TTN: variants seen among roughly 807,000 people sequenced by gnomAD.
TTN encodes the protein connectin.
In TTN, 1,525 loss-of-function variants were observed where a neutral mutation model predicts 3,223.0. The ratio of observed to expected loss-of-function variants is 0.47; its 90% confidence interval spans 0.45 to 0.49. The LOEUF is 0.49. TTN is among the 20% of genes least tolerant of loss of function. The pLI is 0.00. For synonymous variants in TTN, 14,094 were observed against 15,161.0 expected (o/e 0.93, Z 5.17); for missense variants, 40,786 against 43,424.0 (o/e 0.94, Z 5.40).
At chr2:178,716,752 G>A (rs183344405) in intron 88 of TTN, among the ~76,000 whole-genome samples, 45 of 152,182 alleles carry the variant, frequency 3.0e-4, no homozygotes, top group African/African-American at 1.1e-3. Context: ...ACTAAGTACT[G>A]TGGGAAAAAA....
rs1217999308 is a variant in TTN, at chr2:178,717,374, C to A, written c.25360G>T (p.Val8454Leu). ...GGCTTTAGATCAAAGAAAGGAGGCA[C>A]TTCATGCTCTGAAAAGAATGAAGAC... ...SAKLILSEHE[V>L]PPFFDLKPVS... Residue 8454 changes from valine (V) to leucine (L), a missense_variant, in exon 88 of 363, where the codon GTG becomes TTG. Transcript: ENST00000589042. 1 of 1,605,396 alleles carries A rather than the reference C, an allele frequency of 6.2e-7. No individual in the cohort carries two copies. The highest frequency in any genetic ancestry group is 8.5e-7 in the Non-Finnish European group (1 of 1,173,958).
At chr2:178,670,951 G>T in intron 156 of TTN, 139 bp downstream of exon 156, 2 of 646,784 alleles carry the variant, frequency 3.1e-6, no homozygotes, top group Non-Finnish European at 5.2e-6. Flanking sequence ...CTGCTTTAAA[G>T]ATATTAGTTT....
chr2:178,791,507 G>A (rs1044154068), intron 10 of TTN, among the ~76,000 whole-genome samples: 4 of 152,048 alleles, frequency 2.6e-5, no homozygotes, highest in Non-Finnish European at 4.4e-5. Flanking sequence ...ACAGCTCTAC[G>A]GCACAACAGC....
Position 178,543,923 on chromosome 2 carries a change from T to C in TTN, c.96221A>G (p.Lys32074Arg). Residue 32074 changes from lysine (K) to arginine (R), a missense_variant, in exon 346 of 363, where the codon AAA (lysine) becomes AGA (arginine). Physicochemically the swap from Lys to Arg is conservative, Grantham distance 26. Transcript: ENST00000589042. ...TTTTCCAGCATCGTACCGATTAACTTTGTCCACTATTAGCAATGAGTAGCT... is the reference window on the plus strand; with the variant it reads ...TTTTCCAGCATCGTACCGATTAACTCTGTCCACTATTAGCAATGAGTAGCT... ...TESYSLLIVD[K>R]VNRYDAGKYT... is the part of the protein sequence containing the mutation. The C allele has an allele frequency of 6.2e-7, 1 of 1,613,750 alleles. No individual in the cohort carries two copies. Among genetic ancestry groups the C allele is most frequent in the Non-Finnish European group, 8.5e-7 (1 of 1,179,726 alleles).
chr2:178,794,308 A>G, intron 8 of TTN, 91 bp downstream of exon 8: 1 of 1,574,770 alleles, frequency 6.4e-7, no homozygotes, highest in Non-Finnish European at 8.7e-7. Flanking sequence ...AATTGAGCAC[A>G]GCTGCATGCC....
Position 178,575,548 on chromosome 2 carries a change from T to G in TTN, c.70584A>C (p.Lys23528Asn). ...CTGGTGGAGATGGTGCTTCAGAGGC[T>G]TTTACGGGCTCTGTAGTTTCTGTTG... ...GEPTETTEPV[K>N]ASEAPSPPDS... is the part of the protein sequence containing the mutation. Residue 23528 changes from lysine (K) to asparagine (N), a missense_variant, in exon 326 of 363, where the codon AAA becomes AAC. Physicochemically the swap from Lys to Asn is moderately conservative, Grantham distance 94 (BLOSUM62 0). Transcript: ENST00000589042. This position sits in a 1 kb window ranked among gnomAD's most constrained non-coding sequence, Gnocchi z 4.0. The G allele has an allele frequency of 6.2e-7, 1 of 1,613,676 alleles. No individual in the cohort carries two copies. The highest frequency in any genetic ancestry group is 8.5e-7 in the Non-Finnish European group (1 of 1,179,646).
rs138313387 is a variant in TTN at position 178,764,726 on chromosome 2, G to C, written c.9789C>G (p.Ser3263=). The C allele has an allele frequency of 6.2e-7, 1 of 1,613,932 alleles. No individual in the cohort carries two copies. The highest frequency in any genetic ancestry group is 1.3e-5 in the African/African-American group (1 of 74,882). ...GKPARFCAVI[S]GRPQPKISWY... ...AGGAAATTTTGGGCTGTGGTCTTCC[G>C]GATATCACGGCACAGAAGCGGGCAG... is the stretch of plus-strand genomic sequence containing the variant. The change falls in exon 42 of 363, where the codon TCC becomes TCG. Residue 3263 remains serine (S), a synonymous_variant. Transcript: ENST00000589042.
In TTN at chr2:178,634,800, T is replaced by C; in HGVS notation, c.42074A>G (p.Lys14025Arg). The C allele has an allele frequency of 6.2e-7, 1 of 1,612,920 alleles. No homozygotes were observed. Among genetic ancestry groups the C allele is most frequent in the South Asian group, 1.1e-5 (1 of 90,916 alleles). Residue 14025 changes from lysine (K) to arginine (R), a missense_variant, in exon 229 of 363, where the codon AAA becomes AGA. Transcript: ENST00000589042. The surrounding 1 kb of genome is among the most constrained non-coding windows in gnomAD (Gnocchi z 4.6). The part of the protein sequence containing the change: ...EGGKRFLTLH[K>R]VKLDQAGEVL... ...TTCACCAGCTTGGTCCAGTTTGACT[T>C]TGTGCAAAGTTAAGAAGCGTTTTCC...
At position 178,693,933 on chromosome 2, in the gene TTN, A is replaced by G; in HGVS notation, c.31502T>C (p.Val10501Ala). 1 of 1,612,730 alleles carries G rather than the reference A, an allele frequency of 6.2e-7. No individual in the cohort carries two copies. Reference protein sequence around the residue: ...MFFASHTEEEVSVTVPEVQKE... With the variant: ...MFFASHTEEEASVTVPEVQKE... ...AGTTTGCCTTATACCTGTGACTGAC[A>G]CCTCCTCCTCTGTGTGAGAAGCAAA... The change falls in exon 118 of 363, where the codon GTG (valine) becomes GCG (alanine). Residue 10501 changes from valine to alanine, a missense_variant. Physicochemically the swap from Val to Ala is moderately conservative, Grantham distance 64. Coordinates refer to ENST00000589042, the MANE Select transcript of TTN (RefSeq NM_001267550.2).
rs1283851156 is a variant in TTN at position 178,636,824 on chromosome 2, T to A, written c.40928-25A>T. On this transcript the variant is annotated intron_variant, in intron 224 of 362. Transcript: ENST00000589042. The surrounding 1 kb of genome is among the most constrained non-coding windows in gnomAD (Gnocchi z 4.3). ...CCTAATTCAAAGTAAAATAAAAAGT[T>A]GATTTGGCATCTCCTTAGGAGTCAG... 1 of 1,536,404 alleles carries A rather than the reference T, an allele frequency of 6.5e-7. No homozygotes were observed. Among genetic ancestry groups the A allele is most frequent in the Non-Finnish European group, 8.7e-7 (1 of 1,144,500 alleles).
Position 178,739,422 on chromosome 2 carries a change from T to C in TTN, c.13811A>G (p.Asp4604Gly). The change falls in exon 48 of 363, where the codon GAT (aspartate) becomes GGT (glycine). Residue 4604 changes from aspartate (D) to glycine (G), a missense_variant. By Grantham distance (94) the Asp-to-Gly change is moderately conservative (BLOSUM62 -1). Transcript: ENST00000589042. ...TAAAGGTGTATGTATCATGGGGCCA[T>C]CCTCTTTGATTAAGCCACCCTCAGC... ...QEAEGGLIKE[D>G]GPMIHTPLVD... 6.2e-7 allele frequency: 1 copy of C among 1,613,836 alleles called. No individual in the cohort carries two copies. Among genetic ancestry groups the C allele is most frequent in the South Asian group, 1.1e-5 (1 of 91,080 alleles).
chr2:178,556,594 C>T (rs1386324647), intron 330 of TTN: 1 of 494,448 alleles, frequency 2.0e-6, no homozygotes, highest in Non-Finnish European at 3.5e-6. Flanking sequence ...CTCATACAAT[C>T]AATCATAAAA....
Position 178,564,118 on chromosome 2 carries a change from G to A in TTN, c.82014C>T (p.Asp27338=), listed in dbSNP as rs933399909. The A allele has an allele frequency of 6.2e-7, 1 of 1,613,662 alleles. No individual in the cohort carries two copies. Among genetic ancestry groups the A allele is most frequent in the African/African-American group, 1.3e-5 (1 of 74,920 alleles). ...TIQKTTLVVK[D]CIRTDGGQYI... is the part of the protein sequence containing the mutation. ...ATTGTCCTCCATCAGTCCGTATACA[G>A]TCTTTGACAACAAGAGTTGTTTTCT... The change falls in exon 326 of 363, where the codon GAC becomes GAT. Residue 27338 remains aspartate, a synonymous_variant. Transcript: ENST00000589042.
chr2:178,664,104 A>G lies in TTN; in HGVS notation c.36281-6T>C. 1.2e-6 allele frequency: 2 copies of G among 1,606,420 alleles called. No individual in the cohort carries two copies. The highest frequency in any genetic ancestry group is 1.7e-6 in the Non-Finnish European group (2 of 1,177,646). On this transcript the variant is annotated splice_polypyrimidine_tract_variant and splice_region_variant and intron_variant, in intron 168 of 362. Coordinates refer to ENST00000589042, the MANE Select transcript of TTN (RefSeq NM_001267550.2). Reference sequence around the variant, plus strand: ...CTCTTTGGGAGCTTCGTGCACTTGAAAGATATTAGTATTTTTACACTCAGA... The same window carrying G: ...CTCTTTGGGAGCTTCGTGCACTTGAGAGATATTAGTATTTTTACACTCAGA...
chr2:178,723,618 C>T lies in TTN; in HGVS notation c.21482G>A (p.Arg7161Lys), dbSNP rs1225806135. 3 of 1,612,580 alleles carry T rather than the reference C, an allele frequency of 1.9e-6. No homozygotes were observed. Among genetic ancestry groups the T allele is most frequent in the Admixed American group, 1.7e-5 (1 of 59,850 alleles). ...GTTGACTTTGAATGGAGGGGTTCCTCTAATAACGCTTGTGAAGGTTACATT... is the reference window on the plus strand; with the variant it reads ...GTTGACTTTGAATGGAGGGGTTCCTTTAATAACGCTTGTGAAGGTTACATT... Reference protein sequence around the residue: ...GKNVTFTSVIRGTPPFKVNWF... With the variant: ...GKNVTFTSVIKGTPPFKVNWF... The change falls in exon 74 of 363, where the codon AGA becomes AAA. Residue 7161 changes from arginine (R) to lysine (K), a missense_variant. Arg to Lys is a conservative substitution (Grantham distance 26). Transcript: ENST00000589042.
rs1164350939 is a variant in TTN, at chr2:178,532,117, G to A, written c.104498C>T (p.Ala34833Val). The change falls in exon 358 of 363, where the codon GCG becomes GTG. Residue 34833 changes from alanine to valine, a missense_variant. Physicochemically the swap from Ala to Val is moderately conservative, Grantham distance 64. Transcript: ENST00000589042. ...GCGCCGTCGTCTCAGTAGTCTAGACGCAGATGAGGATGATTCTCTTTGAGC... is the reference window on the plus strand; with the variant it reads ...GCGCCGTCGTCTCAGTAGTCTAGACACAGATGAGGATGATTCTCTTTGAGC... ...KHAQRESSSSASRLLRRRRSL... is the reference protein window; with the variant it reads ...KHAQRESSSSVSRLLRRRRSL... 11 of 1,613,938 alleles carry A rather than the reference G, an allele frequency of 6.8e-6. No individual in the cohort carries two copies. In the East Asian group the frequency reaches 1.1e-4, roughly 16 times the overall value.
In TTN at chr2:178,713,364, C is replaced by G. The variant is rs752703150; in HGVS notation, c.26770G>C (p.Val8924Leu). Residue 8924 changes from valine (V) to leucine (L), a missense_variant, in exon 93 of 363, where the codon GTT (valine) becomes CTT (leucine). Transcript: ENST00000589042. ...AATTTTCTTGTGAATGAAGGAGGAA[C>G]GGTTCGGTCTGAATGATACAAAACA... ...TASLQVSDRT[V>L]PPSFTRKLKE... is the part of the protein sequence containing the mutation. 6.6e-7 allele frequency: 1 copy of G among 1,520,946 alleles called. No individual in the cohort carries two copies. Among genetic ancestry groups the G allele is most frequent in the Non-Finnish European group, 8.8e-7 (1 of 1,133,838 alleles). The allele number at this position is 1,520,946 out of a possible 1,614,324, so 94.2% of individuals were successfully genotyped here.
At position 178,712,737 on chromosome 2, in the gene TTN, T is replaced by A. The variant is rs775382008; in HGVS notation, c.27288A>T (p.Glu9096Asp). ...SGEYTCIVSN[E>D]AGKASCTTHL... The stretch of plus-strand genomic sequence containing the variant: ...GTGTTGTACAAGAAGCCTTGCCAGC[T>A]TCATTGCTAACTATGCAAGTATATT... Residue 9096 changes from glutamate to aspartate, a missense_variant, in exon 94 of 363, where the codon GAA becomes GAT. By Grantham distance (45) the Glu-to-Asp change is conservative (BLOSUM62 2). Transcript: ENST00000589042. The A allele has an allele frequency of 6.2e-7, 1 of 1,613,830 alleles. No individual in the cohort carries two copies. The highest frequency in any genetic ancestry group is 1.1e-5 in the South Asian group (1 of 91,082).
At position 178,578,106 on chromosome 2, in the gene TTN, A is replaced by C; in HGVS notation, c.68409T>G (p.Phe22803Leu). The C allele has an allele frequency of 6.2e-7, 1 of 1,613,270 alleles. No homozygotes were observed. The change falls in exon 322 of 363, where the codon TTT becomes TTG. Residue 22803 changes from phenylalanine (F) to leucine (L), a missense_variant. Transcript: ENST00000589042. ...ANKTPIRMRD[F>L]KVTGLTEGLE... ...GACCTTCAGTTAATCCTGTCACTTT[A>C]AAGTCTCTCATCCTTATCGGAGTCT...
Sources: allele counts gnomAD v4.1 joint callset (sites outside exome capture counted in the v4.1 genomes callset), GRCh38; gene constraint gnomAD v4.1.1; non-coding constraint Gnocchi (gnomAD v3.1); transcripts MANE v1.5; gene names NCBI Gene and HGNC (gene_info 2026-07-23, HGNC 2026-07-21).